Variants in INF2 observed in about 807,000 individuals in gnomAD.
INF2 encodes inverted formin 2.
INF2 carries 43 observed loss-of-function variants against 123.5 expected under a neutral mutation model. The ratio of observed to expected loss-of-function variants is 0.35; its 90% CI spans 0.27 to 0.45. The LOEUF (loss-of-function observed/expected upper bound fraction) is 0.45. Among genes scored for constraint, INF2 ranks in the 20% least tolerant of loss-of-function variants. The pLI is 1.00. For synonymous variants in INF2, 851 were observed against 745.0 expected (o/e 1.14, Z -2.32); for missense variants, 1,453 against 1,682.7 (o/e 0.86, Z 2.39).
At position 104,699,529 on chromosome 14, in the gene INF2, C is replaced by T. The variant is rs928901698; in HGVS notation, c.-9-1828C>T. ...CAGCAGCGATGAGAAGCCAGGGGAGCGTGAGGAGCAGCCCAGGACAGGGCC... is the reference window on the plus strand; with the variant it reads ...CAGCAGCGATGAGAAGCCAGGGGAGTGTGAGGAGCAGCCCAGGACAGGGCC... On this transcript the variant is annotated intron_variant, in intron 1 of 22. Transcript: ENST00000392634. This position sits in a 1 kb window ranked among gnomAD's most constrained non-coding sequence, Gnocchi z 4.7. 1.0e-6 allele frequency: 1 copy of T among 985,122 alleles called. No individual in the cohort carries two copies. The highest frequency in any genetic ancestry group is 1.1e-4 in the East Asian group (1 of 8,746). 61.0% of individuals were successfully genotyped at this position (985,122 alleles called of 1,614,324 possible).
At chr14:104,706,260 C>T (rs1050678587) in intron 6 of INF2, 84 bp downstream of exon 6, 2 of 1,388,862 alleles carry the variant, frequency 1.4e-6, no homozygotes, top group Non-Finnish European at 2.0e-6. Flanking sequence ...TGGAACGGTC[C>T]TCCCTGCCCT....
intron 6 of INF2, 71 bp from the exon 7 acceptor site, chr14:104,706,839 G>T: frequency 6.4e-7 from 1 of 1,557,110 alleles, no homozygotes; most frequent in Non-Finnish European, 8.7e-7. Context: ...CACCCTGGCA[G>T]ACAGGCCACA....
At chr14:104,705,517 T>A (rs1355344482) in intron 5 of INF2, among the ~76,000 whole-genome samples, 2 of 152,100 alleles carry the variant, frequency 1.3e-5, no homozygotes, top group Non-Finnish European at 1.5e-5. Flanking sequence ...TGCGGAGGGC[T>A]GTGCTCATTG....
At chr14:104,709,479 G>A in intron 11 of INF2, 96 bp downstream of exon 11, 2 of 1,276,864 alleles carry the variant, frequency 1.6e-6, no homozygotes, top group Non-Finnish European at 2.3e-6. Flanking sequence ...AGAGAAGGGA[G>A]GCATCCCAGC....
In INF2 at chr14:104,718,857, G is replaced by A. The variant is rs1225725731; in HGVS notation, c.*64G>A. 3 of 1,606,040 alleles carry A rather than the reference G, an allele frequency of 1.9e-6. No homozygotes were observed. Among genetic ancestry groups the A allele is most frequent in the Non-Finnish European group, 2.5e-6 (3 of 1,177,316 alleles). On this transcript the variant is annotated 3_prime_UTR_variant, in exon 23 of 23. Coordinates refer to ENST00000392634, the MANE Select transcript of INF2 (RefSeq NM_022489.4). ...AGGCCACAGGACATGCTGCCATTCTGCCAAGAGAGGCTCTTCTGGGGGCCA... is the reference window on the plus strand; with the variant it reads ...AGGCCACAGGACATGCTGCCATTCTACCAAGAGAGGCTCTTCTGGGGGCCA...
chr14:104,683,532 G>A (rs1247624012), intron 1 of INF2, among the ~76,000 whole-genome samples: 1 of 152,012 alleles, frequency 6.6e-6, no homozygotes, highest in Non-Finnish European at 1.5e-5. Flanking sequence ...GGCCCGCAGG[G>A]GAGGGCAGAC....
At chr14:104,688,078 C>T (rs1454903169), upstream of INF2, among the ~76,000 whole-genome samples, 2 of 152,266 alleles carry the variant, frequency 1.3e-5, no homozygotes, top group African/African-American at 4.8e-5. Flanking sequence ...CTGGAAGGGG[C>T]CCTGGAGCCC....
At chr14:104,694,448 C>T (rs1019140524) in intron 1 of INF2, among the ~76,000 whole-genome samples, 1 of 152,214 alleles carries the variant, frequency 6.6e-6, no homozygotes, top group African/African-American at 2.4e-5. Context: ...ATTCATGCAA[C>T]GTCCTAGCTC....
intron 1 of INF2, chr14:104,700,855 C>T: frequency 1.0e-6 from 1 of 985,350 alleles, no homozygotes; most frequent in African/African-American, 1.7e-5. Flanking sequence ...GCACCCCAGG[C>T]ATGCCTGAGG....
chr14:104,682,640 C>T (rs1888552647), intron 1 of INF2, among the ~76,000 whole-genome samples: 1 of 152,132 alleles, frequency 6.6e-6, no homozygotes, highest in South Asian at 2.1e-4. Context: ...GCTGCAGGTC[C>T]CATCCAGGTG....
chr14:104,701,827 G>A (rs1180091129), intron 2 of INF2, 71 bp downstream of exon 2: 1 of 1,416,574 alleles, frequency 7.1e-7, no homozygotes, highest in Non-Finnish European at 9.2e-7. Context: ...GGCCCAAAAG[G>A]CCCCGGGAGG....
In INF2 at chr14:104,703,337, G is replaced by A. The variant is rs1566778676; in HGVS notation, c.550G>A (p.Glu184Lys). Residue 184 changes from glutamate to lysine, a missense_variant, in exon 4 of 23, where the codon GAG becomes AAG. This residue lies in a region of INF2 where 251 missense variants were observed against 349.4 expected (regional missense o/e 0.72). Transcript: ENST00000392634. ...QQYRFSIVMN[E>K]LSGSDNVPYV... ...GTACCGCTTCAGCATTGTCATGAACGAGCTCTCCGGCAGCGACAACGTGCC... is the reference window on the plus strand; with the variant it reads ...GTACCGCTTCAGCATTGTCATGAACAAGCTCTCCGGCAGCGACAACGTGCC... The A allele has an allele frequency of 6.2e-7, 1 of 1,613,092 alleles. No homozygotes were observed. The highest frequency in any genetic ancestry group is 8.5e-7 in the Non-Finnish European group (1 of 1,179,928).
At chr14:104,700,994 C>T (rs1889453455) in intron 1 of INF2, 2 of 440,856 alleles carry the variant, frequency 4.5e-6, no homozygotes, top group Non-Finnish European at 6.0e-6. Flanking sequence ...GGGAGCCTCC[C>T]GCTCCCCCGA....
Position 104,712,413 on chromosome 14 carries a change from CG to C in INF2, c.2490-18del. 6.2e-7 allele frequency: 1 copy of C among 1,611,802 alleles called. No homozygotes were observed. The highest frequency in any genetic ancestry group is 1.3e-5 in the African/African-American group (1 of 75,018). On this transcript the variant is annotated intron_variant, in intron 16 of 22. Transcript: ENST00000392634. ...GACGTCAGCCGTTGCTGTCTCTGCC[CG>C]GCCCTCCTCACCTTTCAGGATCAAC...
chr14:104,709,954 C>A, intron 12 of INF2, 134 bp from the exon 13 acceptor site: 1 of 821,322 alleles, frequency 1.2e-6, no homozygotes, highest in Admixed American at 2.0e-5. Context: ...CGGGAGGGTG[C>A]CTGTTGGATG....
upstream of INF2, among the ~76,000 whole-genome samples, chr14:104,688,521 C>T (rs990540360): frequency 2.6e-5 from 4 of 152,250 alleles, no homozygotes; most frequent in Non-Finnish European, 4.4e-5. Flanking sequence ...GTCAGGACTC[C>T]GAGTGGAGAC....
At chr14:104,715,970 G>A (rs770940924) in intron 22 of INF2, 7 of 455,880 alleles carry the variant, frequency 1.5e-5, no homozygotes, top group East Asian at 6.9e-5. Context: ...ATTACCCCCC[G>A]CACACCGAGT....
rs1889898079 is a variant in INF2, at chr14:104,708,686, G to A, written c.1903G>A (p.Ala635Thr). 6.2e-7 allele frequency: 1 copy of A among 1,612,940 alleles called. No individual in the cohort carries two copies. Among genetic ancestry groups the A allele is most frequent in the Admixed American group, 1.7e-5 (1 of 59,998 alleles). The change falls in exon 10 of 23, where the codon GCC becomes ACC. Residue 635 changes from alanine (A) to threonine (T), a missense_variant. This residue lies in a region of INF2 where 192 missense variants were observed against 274.4 expected (regional missense o/e 0.70). Coordinates refer to ENST00000392634, the MANE Select transcript of INF2 (RefSeq NM_022489.4). ...GGTTTTCTAGATCACTTTCCTCGAT[G>A]CCAAGAAGAGCCTGAACCTCAACAT... Reference protein sequence around the residue: ...KEPKEITFLDAKKSLNLNIFL... With the variant: ...KEPKEITFLDTKKSLNLNIFL...
intron 1 of INF2, among the ~76,000 whole-genome samples, chr14:104,698,546 A>G (rs1256858980): frequency 1.3e-5 from 2 of 152,232 alleles, no homozygotes; most frequent in Non-Finnish European, 2.9e-5. Context: ...GCTGGCTGGA[A>G]TTTGGGCTCC....
Sources: allele counts gnomAD v4.1 joint callset (sites outside exome capture counted in the v4.1 genomes callset), GRCh38; gene constraint gnomAD v4.1.1; regional missense constraint gnomAD v4.1.1; non-coding constraint Gnocchi (gnomAD v3.1); transcripts MANE v1.5; gene names NCBI Gene and HGNC (gene_info 2026-07-23, HGNC 2026-07-21).